Variants in SSBP2 observed in about 807,000 individuals in gnomAD.
The protein encoded by SSBP2 is single-stranded DNA-binding protein 2.
A neutral mutation model predicts 61.8 loss-of-function variants in SSBP2; 17 were observed. The observed-to-expected ratio is 0.28, with a 90% CI of 0.19 to 0.41. The LOEUF (loss-of-function observed/expected upper bound fraction) is 0.41. Among genes scored for constraint, SSBP2 ranks in the 10% least tolerant of loss-of-function variants. SSBP2 has a pLI of 1.00. For synonymous variants in SSBP2, 139 were observed against 141.3 expected (o/e 0.98, Z 0.12); for missense variants, 310 against 458.7 (o/e 0.68, Z 2.96).
rs137974791 is a variant in SSBP2 at position 81,582,208 on chromosome 5, C to T, written c.282+33265G>A. 6.6e-3 allele frequency among the ~76,000 whole-genome samples: 1,008 copies of T among 152,030 alleles called. 13 individuals carry two copies. The highest frequency in any genetic ancestry group is 0.023 in the African/African-American group (943 of 41,490). The stretch of plus-strand genomic sequence containing the variant: ...GAGCTGCTGTTATTTTTCTCTTTAA[C>T]GAACTTTAAAGAAATACTAAAAGTA... On this transcript the variant is annotated intron_variant, in intron 4 of 16. Coordinates refer to ENST00000320672, the MANE Select transcript of SSBP2 (RefSeq NM_012446.5).
chr5:81,602,595 C>A (rs1744473633), intron 4 of SSBP2, among the ~76,000 whole-genome samples: 1 of 152,164 alleles, frequency 6.6e-6, no homozygotes, highest in Admixed American at 6.5e-5. Context: ...CATCTCTGCC[C>A]TGAGACCGCA....
At position 81,711,020 on chromosome 5, in the gene SSBP2, C is replaced by A. The variant is rs916804995; in HGVS notation, c.62+39961G>T. On this transcript the variant is annotated intron_variant, in intron 1 of 16. Transcript: ENST00000320672. ...TTGTGTCTAGATTGGAATATAACTA[C>A]CGTATCTAATGCTCTTAAAGTTCAT... Among the ~76,000 whole-genome samples the A allele has an allele frequency of 3.9e-5, 6 of 152,004 alleles. No individual in the cohort carries two copies. In the East Asian group the frequency reaches 1.2e-3, roughly 29 times the overall value.
intron 6 of SSBP2, among the ~76,000 whole-genome samples, chr5:81,477,992 G>A (rs1458823231): frequency 6.6e-6 from 1 of 152,038 alleles, no homozygotes; most frequent in Non-Finnish European, 1.5e-5. Context: ...AATTAGGAAG[G>A]AGACTAAGAC....
At chr5:81,446,748 C>T in intron 12 of SSBP2, 120 bp downstream of exon 12, 1 of 918,654 alleles carries the variant, frequency 1.1e-6, no homozygotes. Flanking sequence ...CATGCTGCCT[C>T]TACTCCTTTA....
At chr5:81,506,554 A>G (rs1768196522) in intron 5 of SSBP2, among the ~76,000 whole-genome samples, 1 of 152,162 alleles carries the variant, frequency 6.6e-6, no homozygotes, top group African/African-American at 2.4e-5. Context: ...GGCTTAGAGT[A>G]CTTTCTGAGA....
chr5:81,737,995 C>T (rs1172096960), intron 1 of SSBP2, among the ~76,000 whole-genome samples: 1 of 152,106 alleles, frequency 6.6e-6, no homozygotes. Context: ...AAATATTCCC[C>T]GAACTTCCAT....
intron 1 of SSBP2, among the ~76,000 whole-genome samples, chr5:81,672,157 A>T (rs1751624566): frequency 6.6e-6 from 1 of 152,176 alleles, no homozygotes; most frequent in Non-Finnish European, 1.5e-5. Context: ...ATGCTTCCAC[A>T]TATGAAATTA....
In SSBP2 at chr5:81,713,986, C is replaced by T. The variant is rs1335477889; in HGVS notation, c.62+36995G>A. Among the ~76,000 whole-genome samples, 4 of 152,094 alleles carry T rather than the reference C, an allele frequency of 2.6e-5. No individual in the cohort carries two copies. In the East Asian group the frequency reaches 5.8e-4, roughly 22 times the overall value. On this transcript the variant is annotated intron_variant, in intron 1 of 16. Transcript: ENST00000320672. ...GGTTTGTTAGATAGGTATGCACATG[C>T]CGTGGTGGTTTGCTGCACCCATCAA...
intron 2 of SSBP2, among the ~76,000 whole-genome samples, chr5:81,648,004 A>G (rs184312399): frequency 1.3e-5 from 2 of 152,242 alleles, no homozygotes; most frequent in East Asian, 3.9e-4. Context: ...TGGTAAGAAA[A>G]TATAGTTTTG....
chr5:81,498,021 TA>T (rs1399148034), intron 5 of SSBP2, among the ~76,000 whole-genome samples: 1 of 152,122 alleles, frequency 6.6e-6, no homozygotes, highest in African/African-American at 2.4e-5. Flanking sequence ...GCCATGTTTA[TA>T]ACTGGGAACC....
chr5:81,693,986 T>C (rs980733722), intron 1 of SSBP2, among the ~76,000 whole-genome samples: 2 of 151,788 alleles, frequency 1.3e-5, no homozygotes, highest in Non-Finnish European at 2.9e-5. Flanking sequence ...CAGAATGAAG[T>C]AGGCCATAAA....
At chr5:81,444,584 T>C (rs1162512947) in intron 12 of SSBP2, among the ~76,000 whole-genome samples, 1 of 152,194 alleles carries the variant, frequency 6.6e-6, no homozygotes, top group Non-Finnish European at 1.5e-5. Context: ...CAATAAGTAC[T>C]GCTAACTTAG....
intron 6 of SSBP2, among the ~76,000 whole-genome samples, chr5:81,486,529 T>TA (rs1766393875): frequency 6.6e-6 from 1 of 152,200 alleles, no homozygotes; most frequent in Non-Finnish European, 1.5e-5. Context: ...TTCAGATATT[T>TA]AGGCGCTTCC....
chr5:81,473,441 T>C (rs1192107712), intron 8 of SSBP2, among the ~76,000 whole-genome samples: 2 of 152,092 alleles, frequency 1.3e-5, no homozygotes, highest in Admixed American at 6.6e-5. Flanking sequence ...CTGGTGTGTG[T>C]TGTTCCCCTC....
chr5:81,520,360 A>G (rs941876859), intron 4 of SSBP2, among the ~76,000 whole-genome samples: 2 of 152,170 alleles, frequency 1.3e-5, no homozygotes, highest in Non-Finnish European at 2.9e-5. Context: ...TTGCATCTGC[A>G]AAGTTTGACA....
At chr5:81,750,919 A>AGTGC (rs1284139917) in intron 1 of SSBP2, 62 bp downstream of exon 1, 25 of 1,502,492 alleles carry the variant, frequency 1.7e-5, no homozygotes, top group Non-Finnish European at 2.3e-5. Context: ...AGAGTGTGCG[A>AGTGC]GTGCGTGCGT....
At chr5:81,539,393 T>G (rs1433617818) in intron 4 of SSBP2, among the ~76,000 whole-genome samples, 1 of 152,212 alleles carries the variant, frequency 6.6e-6, no homozygotes, top group Non-Finnish European at 1.5e-5. Context: ...CTGGTGAAGA[T>G]GCTATGAACA....
chr5:81,441,458 C>CT (rs1331134186), intron 13 of SSBP2, among the ~76,000 whole-genome samples: 1 of 152,208 alleles, frequency 6.6e-6, no homozygotes, highest in Non-Finnish European at 1.5e-5. Flanking sequence ...AGACAGCCTG[C>CT]TGAAAACATT....
At chr5:81,744,088 T>C (rs1350464211) in intron 1 of SSBP2, among the ~76,000 whole-genome samples, 1 of 152,158 alleles carries the variant, frequency 6.6e-6, no homozygotes, top group African/African-American at 2.4e-5. Flanking sequence ...GCCTACTGGA[T>C]TTGAGGGGAT....
Sources: gnomAD v4.1 joint callset for allele counts (sites outside exome capture counted in the v4.1 genomes callset) on GRCh38, gnomAD v4.1.1 for gene constraint, MANE v1.5 for transcripts, NCBI Gene and HGNC (gene_info 2026-07-23, HGNC 2026-07-21) for gene names.